Variants in BCAS4 observed in about 807,000 individuals in gnomAD.
BCAS4 encodes the protein breast carcinoma-amplified sequence 4.
A neutral mutation model predicts 15.7 loss-of-function variants in BCAS4; 9 were observed. The observed-to-expected ratio is 0.57, with a 90% CI of 0.34 to 1.00. The LOEUF is 1.00. Among genes scored for constraint, BCAS4 ranks in the 50% least tolerant of loss-of-function variants. BCAS4 has a pLI of 0.02. For synonymous variants in BCAS4, 101 were observed against 99.5 expected, an observed-to-expected ratio of 1.02 and a Z score of -0.09; for missense variants, 225 against 239.1, an observed-to-expected ratio of 0.94 and a Z score of 0.39.
chr20:50,813,966 A>C (rs1017465227), intron 1 of BCAS4, among the ~76,000 whole-genome samples: 1 of 152,130 alleles, frequency 6.6e-6, no homozygotes, highest in Non-Finnish European at 1.5e-5. Context: ...CAGCGAGGGC[A>C]TTCATCTGCT....
intron 3 of BCAS4, among the ~76,000 whole-genome samples, chr20:50,835,071 A>G (rs1379784591): frequency 1.3e-5 from 2 of 152,166 alleles, no homozygotes; most frequent in Non-Finnish European, 2.9e-5. Context: ...GTAGATACCT[A>G]GGAGTGGAAT....
intron 4 of BCAS4, among the ~76,000 whole-genome samples, chr20:50,869,082 G>A (rs188973118): frequency 3.0e-4 from 46 of 152,360 alleles, no homozygotes; most frequent in South Asian, 1.2e-3. Context: ...AGCTGATGGC[G>A]TTATCCCCGT....
At chr20:50,848,871 G>C (rs1163807383) in intron 4 of BCAS4, among the ~76,000 whole-genome samples, 1 of 152,270 alleles carries the variant, frequency 6.6e-6, no homozygotes, top group Admixed American at 6.5e-5. Context: ...AGAGTCTCCA[G>C]AAAGGGGCCC....
At chr20:50,868,760 A>C (rs1457528829) in intron 4 of BCAS4, among the ~76,000 whole-genome samples, 1 of 152,212 alleles carries the variant, frequency 6.6e-6, no homozygotes, top group Non-Finnish European at 1.5e-5. Flanking sequence ...CTTGAGTCCT[A>C]GCTCAGCACA....
intron 4 of BCAS4, among the ~76,000 whole-genome samples, chr20:50,874,734 C>T (rs920222898): frequency 7.9e-5 from 12 of 152,074 alleles, no homozygotes; most frequent in African/African-American, 2.7e-4. Flanking sequence ...GTGTCAAGTG[C>T]AGGGGGAGGG....
chr20:50,858,620 T>C (rs1313388907), intron 4 of BCAS4, among the ~76,000 whole-genome samples: 1 of 151,184 alleles, frequency 6.6e-6, no homozygotes, highest in Non-Finnish European at 1.5e-5. Flanking sequence ...AAAAACAAAG[T>C]AAATGCTATA....
chr20:50,816,338 A>C (rs2123770821), intron 1 of BCAS4, among the ~76,000 whole-genome samples: 1 of 152,246 alleles, frequency 6.6e-6, no homozygotes, highest in African/African-American at 2.4e-5. Context: ...ACCGCTAATT[A>C]TTTCCCTAAT....
At chr20:50,869,742 C>CTT (rs55685532) in intron 4 of BCAS4, among the ~76,000 whole-genome samples, 11,894 of 77,642 alleles carry the variant, frequency 0.15, 1,426 homozygotes, top group Non-Finnish European at 0.17. Context: ...CCTGGCACTG[C>CTT]TTTTTTTTTT....
downstream of BCAS4, chr20:50,880,281 A>G (rs910356049): frequency 2.6e-5 from 4 of 152,226 alleles, no homozygotes; most frequent in Non-Finnish European, 5.9e-5. Flanking sequence ...AGGCCGGGAC[A>G]CTGCGCCCTG....
chr20:50,795,219 AG>A, intron 1 of BCAS4, 46 bp downstream of exon 1: 1 of 1,320,326 alleles, frequency 7.6e-7, no homozygotes, highest in Non-Finnish European at 9.8e-7. Context: ...TCTCGCGGTT[AG>A]GGGTCCGGGC....
At chr20:50,847,780 C>A (rs924539731) in intron 4 of BCAS4, among the ~76,000 whole-genome samples, 1 of 152,162 alleles carries the variant, frequency 6.6e-6, no homozygotes, top group Non-Finnish European at 1.5e-5. Flanking sequence ...CGGTGGCTCA[C>A]GCCTGTAATC....
chr20:50,846,894 G>A (rs1239806573), intron 4 of BCAS4, among the ~76,000 whole-genome samples: 4 of 151,966 alleles, frequency 2.6e-5, no homozygotes, highest in Non-Finnish European at 5.9e-5. Context: ...GATTACAGGC[G>A]TGACCCACGA....
intron 1 of BCAS4, among the ~76,000 whole-genome samples, chr20:50,809,659 G>A (rs2088036640): frequency 6.6e-6 from 1 of 152,050 alleles, no homozygotes; most frequent in African/African-American, 2.4e-5. Flanking sequence ...GTGGTATTTT[G>A]ATGGGAATTA....
chr20:50,807,537 C>T (rs1289252541), intron 1 of BCAS4, among the ~76,000 whole-genome samples: 4 of 152,148 alleles, frequency 2.6e-5, no homozygotes, highest in African/African-American at 7.2e-5. Flanking sequence ...TTTTGGGGAA[C>T]AGGTGGTGTT....
At chr20:50,836,287 A>G (rs888730114) in intron 3 of BCAS4, among the ~76,000 whole-genome samples, 1 of 152,142 alleles carries the variant, frequency 6.6e-6, no homozygotes, top group Non-Finnish European at 1.5e-5. Flanking sequence ...TGAGAACCTG[A>G]CATTGTATGG....
intron 1 of BCAS4, among the ~76,000 whole-genome samples, chr20:50,803,471 A>T (rs1452105229): frequency 6.6e-6 from 1 of 152,230 alleles, no homozygotes; most frequent in East Asian, 1.9e-4. Flanking sequence ...GGTGGGGTAT[A>T]GGCATGGTTG....
At chr20:50,849,094 A>T (rs1011674636) in intron 4 of BCAS4, among the ~76,000 whole-genome samples, 1 of 152,236 alleles carries the variant, frequency 6.6e-6, no homozygotes, top group African/African-American at 2.4e-5. Flanking sequence ...CTTCCTGCTG[A>T]CCATGCCAGG....
intron 1 of BCAS4, among the ~76,000 whole-genome samples, chr20:50,803,128 C>T (rs963919298): frequency 1.3e-5 from 2 of 152,206 alleles, no homozygotes; most frequent in Non-Finnish European, 2.9e-5. Context: ...TTGCAGTGAG[C>T]CAAGATCGCG....
chr20:50,823,193 A>G (rs912489394), intron 2 of BCAS4, among the ~76,000 whole-genome samples: 5 of 151,722 alleles, frequency 3.3e-5, no homozygotes, highest in Non-Finnish European at 5.9e-5. Context: ...TACAAAAATT[A>G]GTTGGGTGCG....
Sources: gnomAD v4.1 joint callset for allele counts (sites outside exome capture counted in the v4.1 genomes callset) on GRCh38, gnomAD v4.1.1 for gene constraint, MANE v1.5 for transcripts, NCBI Gene and HGNC (gene_info 2026-07-23, HGNC 2026-07-21) for gene names.